The following LIN28B variants were observed in gnomAD, a reference collection of about 807,000 sequenced individuals.
LIN28B encodes protein lin-28 homolog B.
Under a neutral mutation model 21.9 loss-of-function variants are expected in LIN28B, and 5 were observed. The observed-to-expected ratio is 0.23, with a 90% CI of 0.12 to 0.48. The LOEUF (loss-of-function observed/expected upper bound fraction) is 0.48, where lower values mean the gene tolerates loss of function less well. Among genes scored for constraint, LIN28B ranks in the 20% least tolerant of loss-of-function variants. LIN28B has a pLI of 0.98. For missense variants in LIN28B, 245 were observed against 310.5 expected (o/e 0.79, Z 1.58); for synonymous variants, 109 against 111.3 (o/e 0.98, Z 0.13).
At chr6:105,012,419 A>C (rs1442524008) in intron 2 of LIN28B, among the ~76,000 whole-genome samples, 2 of 151,856 alleles carry the variant, frequency 1.3e-5, no homozygotes, top group African/African-American at 4.8e-5. Context: ...CAGTGAGCTG[A>C]GATCACACCA....
chr6:105,023,659 ATT>A (rs1491543283), intron 2 of LIN28B, among the ~76,000 whole-genome samples: 1 of 51,520 alleles, frequency 1.9e-5, no homozygotes, highest in African/African-American at 7.1e-5. Context: ...ATATATATAT[ATT>A]TTTTTGCCAA....
At chr6:104,957,290 G>T in intron 1 of LIN28B, 30 bp downstream of exon 1, 1 of 1,537,384 alleles carries the variant, frequency 6.5e-7, no homozygotes, top group Non-Finnish European at 9.0e-7. Flanking sequence ...GTTTTACTGT[G>T]AATTTCTTTC....
chr6:104,992,512 GTGTT>G (rs144858054), intron 2 of LIN28B, among the ~76,000 whole-genome samples: 2,602 of 113,180 alleles, frequency 0.023, 78 homozygotes, highest in African/African-American at 0.068. Context: ...GTGTGTGTGT[GTGTT>G]TTTTTTTTAA....
chr6:105,045,180 A>G (rs160595), intron 3 of LIN28B, among the ~76,000 whole-genome samples: 118,470 of 151,686 alleles, frequency 0.78, 47,065 homozygotes, highest in Non-Finnish European at 0.86. Flanking sequence ...TATATAGGTA[A>G]GCCTGTTTAA....
At chr6:105,001,117 CAAG>C (rs949581218) in intron 2 of LIN28B, among the ~76,000 whole-genome samples, 9 of 152,272 alleles carry the variant, frequency 5.9e-5, no homozygotes, top group African/African-American at 2.2e-4. Flanking sequence ...AGATAGTAAA[CAAG>C]AAGATCTTCT....
At chr6:105,015,453 G>A (rs1052140608) in intron 2 of LIN28B, among the ~76,000 whole-genome samples, 5 of 151,974 alleles carry the variant, frequency 3.3e-5, no homozygotes, top group African/African-American at 1.2e-4. Flanking sequence ...GCAAAGAGTC[G>A]GGTCTTGCTT....
At chr6:105,042,565 A>T (rs961585387) in intron 3 of LIN28B, among the ~76,000 whole-genome samples, 1 of 151,606 alleles carries the variant, frequency 6.6e-6, no homozygotes, top group African/African-American at 2.4e-5. Context: ...TTGTAAGATC[A>T]TTATTTTGAA....
intron 3 of LIN28B, chr6:105,058,214 C>T (rs544296093): frequency 4.0e-6 from 1 of 249,038 alleles, no homozygotes; most frequent in South Asian, 4.0e-5. Context: ...ACATGAGCTG[C>T]AACACCATAT....
chr6:104,958,341 T>G lies in LIN28B; in HGVS notation c.198+55T>G, dbSNP rs536762030. The G allele has an allele frequency of 6.3e-4, 867 of 1,368,084 alleles. 1 individual carries two copies. Among genetic ancestry groups the G allele is most frequent in the Non-Finnish European group, 8.1e-4 (810 of 998,498 alleles). The allele number at this position is 1,368,084 out of a possible 1,614,324, so 84.7% of individuals were successfully genotyped here. ...ATCTTTTTCCATGTGGAGGAGCTGA[T>G]CGGTAGTTATGCCAATAGACGTACG... On this transcript the variant is annotated intron_variant, in intron 2 of 3. Transcript: ENST00000345080.
At chr6:105,019,986 GA>G (rs1345334164) in intron 2 of LIN28B, among the ~76,000 whole-genome samples, 1 of 151,776 alleles carries the variant, frequency 6.6e-6, no homozygotes, top group Non-Finnish European at 1.5e-5. Context: ...TAGTTGGAGA[GA>G]AAAAGCCTGT....
intron 2 of LIN28B, among the ~76,000 whole-genome samples, chr6:104,971,769 T>A (rs913593135): frequency 2.6e-5 from 4 of 152,190 alleles, no homozygotes; most frequent in Non-Finnish European, 5.9e-5. Flanking sequence ...TTTATTGATA[T>A]TTTAATTAAT....
intron 3 of LIN28B, among the ~76,000 whole-genome samples, chr6:105,061,070 C>A (rs1772114040): frequency 6.6e-6 from 1 of 151,996 alleles, no homozygotes; most frequent in African/African-American, 2.4e-5. Context: ...AGAACAGTCC[C>A]TAGAATATAG....
chr6:105,050,953 G>A (rs1771889742), intron 3 of LIN28B, among the ~76,000 whole-genome samples: 1 of 151,342 alleles, frequency 6.6e-6, no homozygotes, highest in Admixed American at 6.6e-5. Context: ...GGTGGCTCAT[G>A]GCTGTAATCC....
intron 3 of LIN28B, among the ~76,000 whole-genome samples, chr6:105,066,300 A>T (rs1562112589): frequency 6.6e-6 from 1 of 152,224 alleles, no homozygotes; most frequent in African/African-American, 2.4e-5. Flanking sequence ...AAAAACTCAG[A>T]TTCTACCAGC....
At chr6:105,050,867 A>G (rs1371392907) in intron 3 of LIN28B, among the ~76,000 whole-genome samples, 2 of 151,364 alleles carry the variant, frequency 1.3e-5, no homozygotes, top group Non-Finnish European at 2.9e-5. Context: ...TTTATTAGGA[A>G]GTTCAAGACA....
At chr6:105,014,572 C>T (rs1236500199) in intron 2 of LIN28B, among the ~76,000 whole-genome samples, 1 of 152,156 alleles carries the variant, frequency 6.6e-6, no homozygotes, top group African/African-American at 2.4e-5. Flanking sequence ...ATCTGCCCAC[C>T]TCAGCTTCCT....
rs565828014 is a variant in LIN28B at position 105,063,642 on chromosome 6, G to A, written c.384-14772G>A. ...CAGAGCAAGACTCCATCTCGGGGGG[G>A]GGGGGGAAAAAAAGGTAAAGTAAAG... On this transcript the variant is annotated intron_variant, in intron 3 of 3. Transcript: ENST00000345080. Among the ~76,000 whole-genome samples, 7 of 145,528 alleles carry A rather than the reference G, an allele frequency of 4.8e-5. 1 individual carries two copies. The highest frequency in any genetic ancestry group is 6.5e-3 in the Middle Eastern group (2 of 310).
At chr6:104,964,694 C>T (rs1582867683) in intron 2 of LIN28B, among the ~76,000 whole-genome samples, 1 of 152,070 alleles carries the variant, frequency 6.6e-6, no homozygotes, top group African/African-American at 2.4e-5. Flanking sequence ...CATTGCAGGT[C>T]AGTGGGGTAC....
At chr6:104,940,312 G>A (rs571964648) in intron 2 of LIN28B, 86 of 158,522 alleles carry the variant, frequency 5.4e-4, no homozygotes, top group Admixed American at 5.3e-3. Flanking sequence ...GCAAGGAGTA[G>A]CATCGTCCCG....
Sources: gnomAD v4.1 joint callset for allele counts (sites outside exome capture counted in the v4.1 genomes callset) on GRCh38, gnomAD v4.1.1 for gene constraint, MANE v1.5 for transcripts, NCBI Gene and HGNC (gene_info 2026-07-23, HGNC 2026-07-21) for gene names.